The following AGBL4 variants were observed in gnomAD, a reference collection of about 807,000 sequenced individuals.
AGBL4 encodes the protein cytosolic carboxypeptidase 6.
In AGBL4, 58 loss-of-function variants were observed where a neutral mutation model predicts 66.4. That is an observed-to-expected ratio of 0.87 (90% CI 0.71 to 1.09). AGBL4 has a LOEUF of 1.09. Ranked by LOEUF, AGBL4 falls within the 50% of genes least tolerant of loss-of-function variation. The pLI is 0.00. For missense variants in AGBL4, 579 were observed against 631.0 expected (o/e 0.92, Z 0.88); for synonymous variants, 234 against 222.9 (o/e 1.05, Z -0.44).
intron 2 of AGBL4, among the ~76,000 whole-genome samples, chr1:49,831,076 G>C (rs1033505855): frequency 1.3e-5 from 2 of 152,140 alleles, no homozygotes; most frequent in Non-Finnish European, 2.9e-5. Flanking sequence ...GCTTGGGATT[G>C]TCTTGGCTAT....
intron 3 of AGBL4, among the ~76,000 whole-genome samples, chr1:49,656,192 G>A (rs1445073282): frequency 6.6e-6 from 1 of 150,828 alleles, no homozygotes; most frequent in Non-Finnish European, 1.5e-5. Flanking sequence ...CAATCCCACA[G>A]AAATATGAAC....
intron 5 of AGBL4, among the ~76,000 whole-genome samples, chr1:49,026,495 G>A (rs1663707107): frequency 6.6e-6 from 1 of 152,122 alleles, no homozygotes; most frequent in Non-Finnish European, 1.5e-5. Flanking sequence ...TAGCTGAGGG[G>A]AATCAAGGAT....
At chr1:48,530,953 G>A (rs1015154970), downstream of AGBL4, among the ~76,000 whole-genome samples, 2 of 152,120 alleles carry the variant, frequency 1.3e-5, no homozygotes, top group Non-Finnish European at 2.9e-5. Context: ...AGTAGCCTCT[G>A]GCGGGTTGTA....
intron 3 of AGBL4, among the ~76,000 whole-genome samples, chr1:49,473,339 AC>A (rs1278902946): frequency 6.6e-6 from 1 of 152,002 alleles, no homozygotes; most frequent in Non-Finnish European, 1.5e-5. Flanking sequence ...AGCCATTCTG[AC>A]TGGTATGAGA....
chr1:49,993,589 G>A (rs1013990895), intron 1 of AGBL4, among the ~76,000 whole-genome samples: 4 of 152,028 alleles, frequency 2.6e-5, no homozygotes, highest in Non-Finnish European at 5.9e-5. Context: ...CTTGCTGCCC[G>A]GCCCTATGGC....
At chr1:49,268,046 A>G (rs963078009) in intron 3 of AGBL4, 7 of 152,178 alleles carry the variant, frequency 4.6e-5, no homozygotes, top group Non-Finnish European at 1.0e-4. Context: ...AATCTGATTT[A>G]TTAGGCTTTC....
At chr1:49,601,404 C>A (rs1644955469) in intron 3 of AGBL4, among the ~76,000 whole-genome samples, 1 of 151,628 alleles carries the variant, frequency 6.6e-6, no homozygotes, top group East Asian at 1.9e-4. Flanking sequence ...GATATCCTTT[C>A]TTCCACTTGA....
chr1:49,718,452 A>G (rs1276209974), intron 2 of AGBL4, among the ~76,000 whole-genome samples: 1 of 152,050 alleles, frequency 6.6e-6, no homozygotes, highest in South Asian at 2.1e-4. Context: ...AAATTGCCCA[A>G]TCTCATATAT....
At chr1:49,003,884 C>T (rs1661580301) in intron 5 of AGBL4, among the ~76,000 whole-genome samples, 1 of 152,170 alleles carries the variant, frequency 6.6e-6, no homozygotes, top group South Asian at 2.1e-4. Flanking sequence ...CAAACAGGAG[C>T]CATTGCTGGT....
chr1:48,611,810 C>T (rs320022), intron 9 of AGBL4, among the ~76,000 whole-genome samples: 28,775 of 152,190 alleles, frequency 0.19, 3,292 homozygotes, highest in African/African-American at 0.31. Context: ...TGTGCCGCTT[C>T]GGATCTGTGT....
chr1:49,818,448 C>T (rs1303867255), intron 2 of AGBL4, among the ~76,000 whole-genome samples: 1 of 151,446 alleles, frequency 6.6e-6, no homozygotes, highest in Non-Finnish European at 1.5e-5. Context: ...TCACTGCAGC[C>T]TCAAACTTCC....
At chr1:48,526,794 T>C in the AGBL4 span, among the ~76,000 whole-genome samples, 2 of 151,760 alleles carry the variant, frequency 1.3e-5, no homozygotes, top group Non-Finnish European at 2.9e-5. Flanking sequence ...GCAACAATTG[T>C]TATGATGTTT....
At chr1:49,405,166 C>T (rs1008273297) in intron 3 of AGBL4, among the ~76,000 whole-genome samples, 4 of 152,212 alleles carry the variant, frequency 2.6e-5, no homozygotes, top group Non-Finnish European at 5.9e-5. Context: ...AATTCAGAAC[C>T]TCAGTATCCT....
intron 3 of AGBL4, among the ~76,000 whole-genome samples, chr1:49,566,964 C>G (rs893939365): frequency 2.0e-5 from 3 of 152,194 alleles, no homozygotes; most frequent in Admixed American, 6.5e-5. Flanking sequence ...GCTTCCCTCT[C>G]GGCTGCTTTG....
At chr1:49,152,414 C>T (rs1357107487) in intron 4 of AGBL4, among the ~76,000 whole-genome samples, 1 of 152,126 alleles carries the variant, frequency 6.6e-6, no homozygotes, top group Non-Finnish European at 1.5e-5. Flanking sequence ...AAGAAATGAT[C>T]CCTATTCTAA....
intron 3 of AGBL4, among the ~76,000 whole-genome samples, chr1:49,296,780 G>A (rs1644651678): frequency 6.6e-6 from 1 of 152,204 alleles, no homozygotes; most frequent in Admixed American, 6.5e-5. Context: ...AAGTCCTTGG[G>A]AGATAAACTT....
At chr1:49,013,021 G>T (rs1367509017) in intron 5 of AGBL4, among the ~76,000 whole-genome samples, 1 of 152,152 alleles carries the variant, frequency 6.6e-6, no homozygotes, top group Non-Finnish European at 1.5e-5. Flanking sequence ...TTCTTCCATG[G>T]TATGGTGCAG....
chr1:49,505,501 A>G (rs1286394135), intron 3 of AGBL4, among the ~76,000 whole-genome samples: 1 of 151,866 alleles, frequency 6.6e-6, no homozygotes, highest in Non-Finnish European at 1.5e-5. Context: ...CAGGTTCATT[A>G]GTTTTAGCTG....
intron 1 of AGBL4, among the ~76,000 whole-genome samples, chr1:49,926,954 G>A (rs968124569): frequency 4.6e-5 from 7 of 152,170 alleles, no homozygotes; most frequent in Admixed American, 2.0e-4. Context: ...GAGGAGCAAG[G>A]AGAAACAGTC....
Sources: gnomAD v4.1 joint callset for allele counts (sites outside exome capture counted in the v4.1 genomes callset) on GRCh38, gnomAD v4.1.1 for gene constraint, MANE v1.5 for transcripts, NCBI Gene and HGNC (gene_info 2026-07-23, HGNC 2026-07-21) for gene names.